The following TYW1 variants were observed in gnomAD, a reference collection of about 807,000 sequenced individuals.
TYW1 encodes the protein tRNA-yW synthesizing protein 1 homolog, also known as S-adenosyl-L-methionine-dependent tRNA 4-demethylwyosine synthase TYW1.
A neutral mutation model predicts 96.2 loss-of-function variants in TYW1; 46 were observed. The ratio of observed to expected loss-of-function variants is 0.48; its 90% CI spans 0.38 to 0.61. The LOEUF (loss-of-function observed/expected upper bound fraction) is 0.61. Among genes scored for constraint, TYW1 ranks in the 20% least tolerant of loss-of-function variants. The probability of loss-of-function intolerance (pLI) is 0.00; values close to 1 mark genes in which losing one functional copy is unlikely to be tolerated. For missense variants in TYW1, 684 were observed against 909.6 expected (o/e 0.75, Z 3.19); for synonymous variants, 274 against 323.0 (o/e 0.85, Z 1.63).
intron 3 of TYW1, among the ~76,000 whole-genome samples, chr7:67,001,885 T>G (rs1345359407): frequency 5.9e-5 from 9 of 151,736 alleles, no homozygotes; most frequent in Admixed American, 5.9e-4. Context: ...ATACAAAAAA[T>G]TAGCTGGGCG....
chr7:67,004,721 C>T (rs1390695618), intron 3 of TYW1, among the ~76,000 whole-genome samples: 1 of 152,044 alleles, frequency 6.6e-6, no homozygotes, highest in African/African-American at 2.4e-5. Flanking sequence ...GCTTATGAAG[C>T]TTAATTTGGC....
At position 66,996,894 on chromosome 7, in the gene TYW1, G is replaced by A; in HGVS notation, c.-85G>A. On this transcript the variant is annotated 5_prime_UTR_variant, in exon 1 of 16. Transcript: ENST00000359626. ...CTCGGTACGCCGCTAACGCGGCGAGGTAGCTCGGTGCGTCTCGCGGTACCA... is the reference window on the plus strand; with the variant it reads ...CTCGGTACGCCGCTAACGCGGCGAGATAGCTCGGTGCGTCTCGCGGTACCA... The A allele has an allele frequency of 1.9e-6, 3 of 1,605,576 alleles. No homozygotes were observed. Among genetic ancestry groups the A allele is most frequent in the Non-Finnish European group, 2.6e-6 (3 of 1,176,204 alleles).
At chr7:67,205,074 A>G (rs1800739901) in intron 15 of TYW1, among the ~76,000 whole-genome samples, 5 of 151,852 alleles carry the variant, frequency 3.3e-5, no homozygotes, top group Admixed American at 2.0e-4. Context: ...TTTCCCAGAC[A>G]TTTTGGGTGT....
chr7:67,058,287 G>A (rs546573143), intron 9 of TYW1, among the ~76,000 whole-genome samples: 1 of 152,226 alleles, frequency 6.6e-6, no homozygotes, highest in South Asian at 2.1e-4. Context: ...GACAAATTCA[G>A]TTTCTTTTTT....
At chr7:67,190,345 G>T (rs1800168581) in intron 14 of TYW1, among the ~76,000 whole-genome samples, 1 of 152,242 alleles carries the variant, frequency 6.6e-6, no homozygotes, top group African/African-American at 2.4e-5. Context: ...TGTCATAGGA[G>T]AATGTCTGAC....
At chr7:67,218,871 T>G (rs1377919754) in intron 15 of TYW1, among the ~76,000 whole-genome samples, 1 of 152,228 alleles carries the variant, frequency 6.6e-6, no homozygotes, top group Non-Finnish European at 1.5e-5. Flanking sequence ...TACTTTTTCC[T>G]CTCCAATTTG....
intron 15 of TYW1, among the ~76,000 whole-genome samples, chr7:67,205,394 G>T (rs1368986241): frequency 6.6e-6 from 1 of 151,826 alleles, no homozygotes; most frequent in African/African-American, 2.4e-5. Flanking sequence ...GGCGGGGGGG[G>T]GGCCTTATTG....
At chr7:67,010,374 G>C (rs1166539210) in intron 4 of TYW1, among the ~76,000 whole-genome samples, 3 of 152,030 alleles carry the variant, frequency 2.0e-5, no homozygotes. Context: ...GGAGTACAGT[G>C]GTGCAATTTC....
At chr7:67,088,074 A>G (rs1796604765) in intron 11 of TYW1, among the ~76,000 whole-genome samples, 1 of 152,152 alleles carries the variant, frequency 6.6e-6, no homozygotes, top group Non-Finnish European at 1.5e-5. Context: ...TATATTGCGC[A>G]GGCTGGTCTT....
Position 67,035,732 on chromosome 7 carries a change from A to G in TYW1, c.984+10710A>G, listed in dbSNP as rs149171264. Among the ~76,000 whole-genome samples, 534 of 152,186 alleles carry G rather than the reference A, an allele frequency of 3.5e-3. 2 individuals are homozygous for G. Among genetic ancestry groups the G allele is most frequent in the South Asian group, 0.027 (131 of 4,822 alleles). On this transcript the variant is annotated intron_variant, in intron 7 of 15. Transcript: ENST00000359626. Reference sequence around the variant, plus strand: ...CTTCCTCTGTTGCCCAGGCCAGAGTACAGTGGCGCCATCTCGCTGACTGCA... The same window carrying G: ...CTTCCTCTGTTGCCCAGGCCAGAGTGCAGTGGCGCCATCTCGCTGACTGCA...
intron 13 of TYW1, among the ~76,000 whole-genome samples, chr7:67,157,002 A>G (rs1563045856): frequency 1.3e-5 from 2 of 151,882 alleles, no homozygotes; most frequent in African/African-American, 2.4e-5. Context: ...AGACATTCTC[A>G]GTCACTTCCC....
At chr7:67,210,780 ATCCG>A (rs1290138600) in intron 15 of TYW1, among the ~76,000 whole-genome samples, 1 of 150,642 alleles carries the variant, frequency 6.6e-6, no homozygotes, top group Non-Finnish European at 1.5e-5. Flanking sequence ...CCATCCATCC[ATCCG>A]TCCATCATCT....
intron 2 of TYW1, among the ~76,000 whole-genome samples, chr7:66,998,490 T>C (rs548738852): frequency 4.5e-4 from 69 of 152,280 alleles, no homozygotes; most frequent in African/African-American, 1.6e-3. Context: ...GGGTCAGTAG[T>C]CCTCTCTTTC....
intron 15 of TYW1, among the ~76,000 whole-genome samples, chr7:67,200,921 T>C (rs1800578635): frequency 6.6e-6 from 1 of 151,790 alleles, no homozygotes; most frequent in Non-Finnish European, 1.5e-5. Flanking sequence ...GAACCACAAG[T>C]AGTTTGGGAT....
At position 67,099,519 on chromosome 7, in the gene TYW1, G is replaced by A. The variant is rs570444930; in HGVS notation, c.1562+801G>A. ...GGTGGAAGTCAAGTTAGAAAGGTTGGGATTAGATGGTCTAGGACTTCAAAT... is the reference window on the plus strand; with the variant it reads ...GGTGGAAGTCAAGTTAGAAAGGTTGAGATTAGATGGTCTAGGACTTCAAAT... On this transcript the variant is annotated intron_variant, in intron 12 of 15. Transcript: ENST00000359626. Among the ~76,000 whole-genome samples the A allele has an allele frequency of 2.2e-4, 34 of 152,248 alleles. No homozygotes were observed. In the East Asian group the frequency reaches 6.6e-3, roughly 29 times the overall value.
At chr7:67,172,796 A>G (rs1307570100) in intron 13 of TYW1, among the ~76,000 whole-genome samples, 1 of 151,942 alleles carries the variant, frequency 6.6e-6, no homozygotes, top group Non-Finnish European at 1.5e-5. Flanking sequence ...AGTCTTTCCT[A>G]TGTCTCTTCT....
At chr7:67,153,319 T>G (rs536080370) in intron 13 of TYW1, among the ~76,000 whole-genome samples, 5 of 152,230 alleles carry the variant, frequency 3.3e-5, no homozygotes, top group African/African-American at 1.2e-4. Flanking sequence ...AGCTGGGTGT[T>G]GTGGTGCACA....
intron 10 of TYW1, among the ~76,000 whole-genome samples, chr7:67,067,616 T>C (rs1297872854): frequency 6.6e-6 from 1 of 152,240 alleles, no homozygotes; most frequent in East Asian, 1.9e-4. Flanking sequence ...TAAACATCCA[T>C]TTGGACAGTT....
intron 9 of TYW1, among the ~76,000 whole-genome samples, chr7:67,056,282 A>G (rs1310248362): frequency 1.3e-5 from 2 of 152,128 alleles, no homozygotes; most frequent in African/African-American, 4.8e-5. Flanking sequence ...ATTTGAGGTC[A>G]GGAGTTCGAG....
Sources: gnomAD v4.1 joint callset for allele counts (sites outside exome capture counted in the v4.1 genomes callset) on GRCh38, gnomAD v4.1.1 for gene constraint, MANE v1.5 for transcripts, NCBI Gene and HGNC (gene_info 2026-07-23, HGNC 2026-07-21) for gene names.